The following KIF26B variants were observed in gnomAD, a reference collection of about 807,000 sequenced individuals.
KIF26B encodes kinesin-like protein KIF26B.
Under a neutral mutation model 151.2 loss-of-function variants are expected in KIF26B, and 63 were observed. That is an observed-to-expected ratio of 0.42 (90% CI 0.34 to 0.51). KIF26B has a LOEUF of 0.51. Ranked by LOEUF, KIF26B falls within the 20% of genes least tolerant of loss-of-function variation. The pLI is 0.07. For missense variants in KIF26B, 2,813 were observed against 2,913.6 expected, an observed-to-expected ratio of 0.97 and a Z score of 0.79; for synonymous variants, 1,357 against 1,262.1, an observed-to-expected ratio of 1.08 and a Z score of -1.59.
chr1:245,527,853 T>C (rs1661274398), intron 4 of KIF26B, among the ~76,000 whole-genome samples: 2 of 151,972 alleles, frequency 1.3e-5, no homozygotes, highest in Non-Finnish European at 2.9e-5. Flanking sequence ...TTTTAATGCA[T>C]GTTTAAATGG....
In KIF26B at chr1:245,336,424, C is replaced by T. The variant is rs568952254; in HGVS notation, c.466-30410C>T. Among the ~76,000 whole-genome samples the T allele has an allele frequency of 9.8e-5, 15 of 152,328 alleles. No homozygotes were observed. In the East Asian group the frequency reaches 1.2e-3, roughly 12 times the overall value. Reference sequence around the variant, plus strand: ...ATGGTATGCGGGTGCCTCCGACTGGCGGCTGCGTGGTGGATCTGGCCACTT... The same window carrying T: ...ATGGTATGCGGGTGCCTCCGACTGGTGGCTGCGTGGTGGATCTGGCCACTT... On this transcript the variant is annotated intron_variant, in intron 2 of 14. Coordinates refer to ENST00000407071, the MANE Select transcript of KIF26B (RefSeq NM_018012.4).
intron 2 of KIF26B, among the ~76,000 whole-genome samples, chr1:245,231,217 T>G (rs1669989555): frequency 6.6e-6 from 1 of 151,976 alleles, no homozygotes; most frequent in South Asian, 2.1e-4. Flanking sequence ...AAACTAATAT[T>G]TAAAACTACA....
intron 4 of KIF26B, among the ~76,000 whole-genome samples, chr1:245,535,044 A>G (rs1473080465): frequency 1.3e-5 from 2 of 151,952 alleles, no homozygotes; most frequent in Non-Finnish European, 2.9e-5. Flanking sequence ...CGGCCTCCCA[A>G]AGTGCTGGGA....
intron 2 of KIF26B, among the ~76,000 whole-genome samples, chr1:245,189,386 G>T (rs1669055509): frequency 6.6e-6 from 1 of 152,042 alleles, no homozygotes; most frequent in African/African-American, 2.4e-5. Flanking sequence ...TGTTTCCTAG[G>T]CCAAACACAC....
intron 2 of KIF26B, among the ~76,000 whole-genome samples, chr1:245,289,661 G>T (rs908911780): frequency 6.7e-6 from 1 of 149,734 alleles, no homozygotes; most frequent in African/African-American, 2.5e-5. Context: ...TTTTTTGGGG[G>T]TGGAGGTGTG....
intron 5 of KIF26B, among the ~76,000 whole-genome samples, chr1:245,584,958 A>G (rs2043209993): frequency 6.6e-6 from 1 of 152,238 alleles, no homozygotes; most frequent in Non-Finnish European, 1.5e-5. Flanking sequence ...TTAAATTGAT[A>G]AGATTGGCAT....
At chr1:245,310,075 ATTTAT>A (rs1188627623) in intron 2 of KIF26B, among the ~76,000 whole-genome samples, 1 of 146,818 alleles carries the variant, frequency 6.8e-6, no homozygotes, top group Admixed American at 6.8e-5. Context: ...TATATATAAT[ATTTAT>A]TTTATATAAT....
chr1:245,308,871 A>G (rs1671610163), intron 2 of KIF26B, among the ~76,000 whole-genome samples: 1 of 152,246 alleles, frequency 6.6e-6, no homozygotes, highest in Non-Finnish European at 1.5e-5. Context: ...TGGAATACAT[A>G]CCATTAGGCA....
intron 3 of KIF26B, among the ~76,000 whole-genome samples, chr1:245,411,420 C>T (rs1282027811): frequency 6.6e-6 from 1 of 152,196 alleles, no homozygotes. Flanking sequence ...ACAGACGCTG[C>T]AGAAGAGGAA....
Position 245,198,043 on chromosome 1 carries a change from C to T in KIF26B, c.465+41360C>T, listed in dbSNP as rs1455216365. On this transcript the variant is annotated intron_variant, in intron 2 of 14. Coordinates refer to ENST00000407071, the MANE Select transcript of KIF26B (RefSeq NM_018012.4). The stretch of plus-strand genomic sequence containing the variant: ...TGAGATCCTGTCTTGTCTCTTCCTC[C>T]CCTGCTCCCTCCCTTCCTCCTACCA... Among the ~76,000 whole-genome samples, 8 of 152,212 alleles carry T rather than the reference C, an allele frequency of 5.3e-5. 1 individual carries two copies. The highest frequency in any genetic ancestry group is 5.2e-4 in the Admixed American group (8 of 15,282).
At chr1:245,397,116 C>T (rs1211162546) in intron 3 of KIF26B, among the ~76,000 whole-genome samples, 2 of 152,094 alleles carry the variant, frequency 1.3e-5, no homozygotes, top group Admixed American at 6.6e-5. Context: ...TGCGCCACCA[C>T]GCCCAGCTAA....
chr1:245,500,488 G>A (rs1201822859), intron 4 of KIF26B, among the ~76,000 whole-genome samples: 4 of 152,180 alleles, frequency 2.6e-5, no homozygotes, highest in Non-Finnish European at 5.9e-5. Flanking sequence ...CAAACAATAG[G>A]TTGAAAACTG....
intron 2 of KIF26B, among the ~76,000 whole-genome samples, chr1:245,200,438 A>G: frequency 6.6e-6 from 1 of 152,226 alleles, no homozygotes; most frequent in Middle Eastern, 3.2e-3. Context: ...GAATATCATT[A>G]ATGCAAGGGT....
At chr1:245,632,158 G>C (rs1296245564) in intron 9 of KIF26B, among the ~76,000 whole-genome samples, 1 of 151,780 alleles carries the variant, frequency 6.6e-6, no homozygotes, top group African/African-American at 2.4e-5. Flanking sequence ...CCTTTTTTGA[G>C]GAAAACATTT....
chr1:245,223,310 A>G (rs975038669), intron 2 of KIF26B, among the ~76,000 whole-genome samples: 1 of 152,232 alleles, frequency 6.6e-6, no homozygotes, highest in Non-Finnish European at 1.5e-5. Flanking sequence ...AAGTATGTAT[A>G]TCATTAACTA....
chr1:245,302,857 C>T (rs976927317), intron 2 of KIF26B, among the ~76,000 whole-genome samples: 9 of 151,476 alleles, frequency 5.9e-5, no homozygotes, highest in Non-Finnish European at 1.0e-4. Context: ...GGCGTGGTGG[C>T]GGGTGCCTGT....
At chr1:245,671,393 T>G (rs2044284306) in intron 10 of KIF26B, among the ~76,000 whole-genome samples, 1 of 152,202 alleles carries the variant, frequency 6.6e-6, no homozygotes, top group African/African-American at 2.4e-5. Flanking sequence ...AGGACAAATA[T>G]TGTATGATTC....
At chr1:245,279,660 C>T (rs79575134) in intron 2 of KIF26B, among the ~76,000 whole-genome samples, 2 of 150,666 alleles carry the variant, frequency 1.3e-5, no homozygotes, top group Non-Finnish European at 3.0e-5. Flanking sequence ...ATGCCTGATG[C>T]TTTTTTTTTA....
intron 4 of KIF26B, among the ~76,000 whole-genome samples, chr1:245,500,995 A>AGCCTTCG (rs111963983): frequency 6.4e-4 from 98 of 152,342 alleles, no homozygotes; most frequent in African/African-American, 2.3e-3. Context: ...TGACGAACTC[A>AGCCTTCG]TTAAAATCAA....
Sources: gnomAD v4.1 joint callset for allele counts (sites outside exome capture counted in the v4.1 genomes callset) on GRCh38, gnomAD v4.1.1 for gene constraint, MANE v1.5 for transcripts, NCBI Gene and HGNC (gene_info 2026-07-23, HGNC 2026-07-21) for gene names.